The following DLGAP4 variants were observed in gnomAD, a reference collection of about 807,000 sequenced individuals.
The protein encoded by DLGAP4 is DLG associated protein 4.
A neutral mutation model predicts 86.9 loss-of-function variants in DLGAP4; 18 were observed. The ratio of observed to expected loss-of-function variants is 0.21; its 90% CI spans 0.14 to 0.31. The LOEUF (loss-of-function observed/expected upper bound fraction) is 0.31, where lower values mean the gene tolerates loss of function less well. Among genes scored for constraint, DLGAP4 ranks in the 10% least tolerant of loss-of-function variants. DLGAP4 has a pLI of 1.00. For synonymous variants in DLGAP4, 548 were observed against 574.3 expected, an observed-to-expected ratio of 0.95 and a Z score of 0.65; for missense variants, 1,085 against 1,362.6, an observed-to-expected ratio of 0.80 and a Z score of 3.21.
At chr20:36,422,618 A>T (rs1268863098) in intron 2 of DLGAP4, among the ~76,000 whole-genome samples, 1 of 152,162 alleles carries the variant, frequency 6.6e-6, no homozygotes, top group Non-Finnish European at 1.5e-5. Flanking sequence ...GAGCCATGCT[A>T]GGTTCTGTTC....
chr20:36,374,598 T>C (rs1237465078), intron 2 of DLGAP4, among the ~76,000 whole-genome samples: 1 of 152,222 alleles, frequency 6.6e-6, no homozygotes, highest in East Asian at 1.9e-4. Context: ...TGCCTTGTGC[T>C]GGAAGCATAG....
chr20:36,491,627 A>G (rs1453266005), intron 7 of DLGAP4, among the ~76,000 whole-genome samples: 2 of 152,040 alleles, frequency 1.3e-5, no homozygotes, highest in African/African-American at 4.8e-5. Context: ...TGGTTCTCTG[A>G]AGCTGGAAGG....
intron 2 of DLGAP4, among the ~76,000 whole-genome samples, chr20:36,386,682 T>C (rs1047234553): frequency 6.6e-6 from 1 of 152,050 alleles, no homozygotes; most frequent in African/African-American, 2.4e-5. Flanking sequence ...CCTCCCAGGC[T>C]CAAGTGATCC....
intron 10 of DLGAP4, among the ~76,000 whole-genome samples, chr20:36,519,475 AG>A (rs2037242398): frequency 6.6e-6 from 1 of 152,146 alleles, no homozygotes; most frequent in Non-Finnish European, 1.5e-5. Flanking sequence ...TTTTCTTTTT[AG>A]TCAGAGTCTA....
chr20:36,426,321 C>A (rs2032972334), intron 2 of DLGAP4, among the ~76,000 whole-genome samples: 2 of 152,154 alleles, frequency 1.3e-5, no homozygotes, highest in African/African-American at 4.8e-5. Flanking sequence ...TCAAGACCAG[C>A]CTGGCCAACA....
rs780950987 is a variant in DLGAP4 at position 36,439,913 on chromosome 20, G to C, written c.1356+45G>C. On this transcript the variant is annotated intron_variant, in intron 5 of 12. Transcript: ENST00000339266. ...TGGAGAGTCAGGGGGCTTGGGTACTGATTCCCATCTGGGAGGAGGACACAC... is the reference window on the plus strand; with the variant it reads ...TGGAGAGTCAGGGGGCTTGGGTACTCATTCCCATCTGGGAGGAGGACACAC... The C allele has an allele frequency of 1.1e-5, 17 of 1,534,706 alleles. No individual in the cohort carries two copies. The South Asian group carries it at 1.3e-4, about 11-fold the overall frequency.
chr20:36,315,642 G>T (rs2065092241), intron 1 of DLGAP4, among the ~76,000 whole-genome samples: 3 of 152,124 alleles, frequency 2.0e-5, no homozygotes, highest in Admixed American at 2.0e-4. Flanking sequence ...ACATTCCTGA[G>T]GCCCTGCAGC....
chr20:36,348,962 G>T (rs917812476), intron 1 of DLGAP4, among the ~76,000 whole-genome samples: 2 of 151,414 alleles, frequency 1.3e-5, no homozygotes, highest in African/African-American at 2.4e-5. Context: ...AATTAGCTGG[G>T]TGTGGTGGTG....
intron 2 of DLGAP4, among the ~76,000 whole-genome samples, chr20:36,414,085 AC>A (rs1322142155): frequency 6.6e-6 from 1 of 152,104 alleles, no homozygotes; most frequent in African/African-American, 2.4e-5. Context: ...CAAGAGCCCC[AC>A]ACCGTTGGGA....
chr20:36,475,456 G>A (rs548342773), intron 7 of DLGAP4, among the ~76,000 whole-genome samples: 11 of 152,160 alleles, frequency 7.2e-5, no homozygotes, highest in South Asian at 4.2e-4. Context: ...TGATCCGCCC[G>A]CCTCGGCCTC....
intron 10 of DLGAP4, among the ~76,000 whole-genome samples, chr20:36,517,130 G>A (rs2037088681): frequency 6.6e-6 from 1 of 151,172 alleles, no homozygotes; most frequent in African/African-American, 2.4e-5. Flanking sequence ...TGTAATCCCA[G>A]CACTTTCGGA....
intron 3 of DLGAP4, among the ~76,000 whole-genome samples, chr20:36,434,434 G>A (rs904471683): frequency 3.3e-5 from 5 of 152,330 alleles, no homozygotes; most frequent in African/African-American, 1.2e-4. Flanking sequence ...GAAGCATTAG[G>A]GAGGGTGATG....
intron 6 of DLGAP4, among the ~76,000 whole-genome samples, chr20:36,443,096 G>C (rs911413739): frequency 6.6e-5 from 10 of 152,198 alleles, no homozygotes; most frequent in Non-Finnish European, 1.3e-4. Context: ...CCTGGGTCAG[G>C]CCTGGGGAGA....
Position 36,500,406 on chromosome 20 carries a change from C to T in DLGAP4, c.2307C>T (p.Asp769=). 6.3e-7 allele frequency: 1 copy of T among 1,593,694 alleles called. No homozygotes were observed. Among genetic ancestry groups the T allele is most frequent in the Non-Finnish European group, 8.6e-7 (1 of 1,169,424 alleles). Residue 769 remains aspartate, a synonymous_variant, in exon 10 of 13, where the codon GAC becomes GAT. Coordinates refer to ENST00000339266, the MANE Select transcript of DLGAP4 (RefSeq NM_001365621.2). The surrounding 1 kb of genome is among the most constrained non-coding windows in gnomAD (Gnocchi z 4.6). The stretch of plus-strand genomic sequence containing the variant: ...ACCTCTCCTATGGAGACAACAGCGA[C>T]CCTGCCCTAGAGGCGTCCTCGCTGC... ...KRNLSYGDNS[D]PALEASSLPP...
rs547315524 is a variant in DLGAP4 at position 36,424,202 on chromosome 20, T to C, written c.-72-7444T>C. On this transcript the variant is annotated intron_variant, in intron 2 of 12. Transcript: ENST00000339266. ...GACAGGATTGGGCAGAGGGAAGAGG[T>C]GAACCTCAATACAGCACAACAGAGG... Among the ~76,000 whole-genome samples, 4 of 152,116 alleles carry C rather than the reference T, an allele frequency of 2.6e-5. No individual in the cohort carries two copies. In the South Asian group the frequency reaches 8.3e-4, roughly 32 times the overall value.
intron 1 of DLGAP4, among the ~76,000 whole-genome samples, chr20:36,354,038 G>A (rs1294275566): frequency 6.6e-6 from 1 of 152,234 alleles, no homozygotes; most frequent in Admixed American, 6.5e-5. Flanking sequence ...AACAAAACGG[G>A]AGGCCAGCAG....
chr20:36,311,581 A>G (rs1190715361), intron 1 of DLGAP4, among the ~76,000 whole-genome samples: 1 of 152,190 alleles, frequency 6.6e-6, no homozygotes, highest in Non-Finnish European at 1.5e-5. Flanking sequence ...TCATTCATTC[A>G]TTCCTTCAAC....
chr20:36,409,466 A>C (rs2032425964), intron 2 of DLGAP4, among the ~76,000 whole-genome samples: 1 of 141,028 alleles, frequency 7.1e-6, no homozygotes, highest in African/African-American at 2.7e-5. Context: ...GCAGTGTCTC[A>C]TACCTGTAAT....
chr20:36,400,842 A>G (rs1398987457), intron 2 of DLGAP4, among the ~76,000 whole-genome samples: 1 of 152,074 alleles, frequency 6.6e-6, no homozygotes, highest in Admixed American at 6.6e-5. Flanking sequence ...GGCAATGGCG[A>G]TGAAAACCAG....
Sources: allele counts gnomAD v4.1 joint callset (sites outside exome capture counted in the v4.1 genomes callset), GRCh38; gene constraint gnomAD v4.1.1; non-coding constraint Gnocchi (gnomAD v3.1); transcripts MANE v1.5; gene names NCBI Gene and HGNC (gene_info 2026-07-23, HGNC 2026-07-21).